The following MCPH1 variants were observed in gnomAD, a reference collection of about 807,000 sequenced individuals.
MCPH1 encodes microcephalin.
In MCPH1, 104 loss-of-function variants were observed where a neutral mutation model predicts 84.5. That is an observed-to-expected ratio of 1.23 (90% CI 1.05 to 1.45). The LOEUF is 1.45. Ranked by LOEUF, MCPH1 falls within the 40% of genes most tolerant of loss-of-function variation. MCPH1 has a pLI of 0.00. For synonymous variants in MCPH1, 514 were observed against 366.8 expected, an observed-to-expected ratio of 1.40 and a Z score of -4.58; for missense variants, 1,498 against 1,005.7, an observed-to-expected ratio of 1.49 and a Z score of -6.62.
chr8:6,595,554 G>T (rs1828855981), intron 12 of MCPH1, among the ~76,000 whole-genome samples: 1 of 152,256 alleles, frequency 6.6e-6, no homozygotes, highest in East Asian at 1.9e-4. Context: ...GAACTGGCAG[G>T]TGGGCTTCTG....
At chr8:6,497,767 T>C (rs1811419445) in intron 11 of MCPH1, among the ~76,000 whole-genome samples, 1 of 152,174 alleles carries the variant, frequency 6.6e-6, no homozygotes, top group African/African-American at 2.4e-5. Context: ...GAAGCTAAAG[T>C]GGCTTTAAAA....
At chr8:6,521,054 G>A in intron 12 of MCPH1, 1 of 667,850 alleles carries the variant, frequency 1.5e-6, no homozygotes, top group Non-Finnish European at 2.5e-6. Flanking sequence ...TTAATTGGTA[G>A]ATATTTCATA....
At chr8:6,635,704 C>G (rs1046937267) in intron 13 of MCPH1, among the ~76,000 whole-genome samples, 1 of 152,176 alleles carries the variant, frequency 6.6e-6, no homozygotes, top group Non-Finnish European at 1.5e-5. Context: ...GGTGCAGATA[C>G]CATTAAAAAG....
intron 12 of MCPH1, among the ~76,000 whole-genome samples, chr8:6,553,920 G>C (rs942783406): frequency 3.3e-5 from 5 of 152,060 alleles, no homozygotes; most frequent in Admixed American, 6.6e-5. Flanking sequence ...TAACTACCAA[G>C]ATATGGTTTG....
At position 6,420,544 on chromosome 8, in the gene MCPH1, T is replaced by C. The variant is rs140480769; in HGVS notation, c.233+5661T>C. Among the ~76,000 whole-genome samples, 82 of 152,216 alleles carry C rather than the reference T, an allele frequency of 5.4e-4. No homozygotes were observed. In the South Asian group the frequency reaches 0.015, roughly 27 times the overall value. On this transcript the variant is annotated intron_variant, in intron 3 of 13. Transcript: ENST00000344683. ...TTCTGCTTTTTTTTCGGGGAGGGAATGGGGTAAGACTCAGTATCAGCCAGC... is the reference window on the plus strand; with the variant it reads ...TTCTGCTTTTTTTTCGGGGAGGGAACGGGGTAAGACTCAGTATCAGCCAGC...
At chr8:6,488,247 A>G (rs1341833666) in intron 11 of MCPH1, among the ~76,000 whole-genome samples, 1 of 152,224 alleles carries the variant, frequency 6.6e-6, no homozygotes, top group Non-Finnish European at 1.5e-5. Context: ...CAAGACCCCA[A>G]GGTGCGCATT....
chr8:6,446,212 G>C (rs1258968255), intron 8 of MCPH1: 2 of 917,214 alleles, frequency 2.2e-6, no homozygotes, highest in African/African-American at 1.8e-5. Context: ...TTTATTAAAA[G>C]TCAAAACAAT....
chr8:6,446,896 C>T, intron 8 of MCPH1: 1 of 985,286 alleles, frequency 1.0e-6, no homozygotes, highest in Non-Finnish European at 1.2e-6. Context: ...CGTCGACAGC[C>T]TCCGGGGTTG....
At chr8:6,544,657 T>G (rs1822219457) in intron 12 of MCPH1, among the ~76,000 whole-genome samples, 2 of 152,160 alleles carry the variant, frequency 1.3e-5, no homozygotes, top group Non-Finnish European at 2.9e-5. Flanking sequence ...AGCACATATT[T>G]TATTTCTATA....
chr8:6,436,237 G>C (rs2129554605), intron 5 of MCPH1, 75 bp downstream of exon 5: 1 of 1,474,172 alleles, frequency 6.8e-7, no homozygotes, highest in South Asian at 1.2e-5. Context: ...ATGACTAGTG[G>C]GGTTCAGCAT....
chr8:6,636,315 G>A (rs533074110), intron 13 of MCPH1, among the ~76,000 whole-genome samples: 2,881 of 150,624 alleles, frequency 0.019, 48 homozygotes, highest in Non-Finnish European at 0.03. Context: ...ACTCCAGCCT[G>A]TGTGACAGAG....
At chr8:6,463,872 T>C (rs1806552430) in intron 9 of MCPH1, among the ~76,000 whole-genome samples, 4 of 152,256 alleles carry the variant, frequency 2.6e-5, no homozygotes, top group Admixed American at 2.6e-4. Flanking sequence ...CTTTGGCTGT[T>C]TTCCATTAGA....
chr8:6,621,197 T>G lies in MCPH1; in HGVS notation c.2215-257T>G, dbSNP rs1831375357. On this transcript the variant is annotated intron_variant, in intron 12 of 13. Transcript: ENST00000344683. ...TATTTTGTTTGAGGCTTTGGAATAATTCAAAGGCCTACACTTTTTTTTTTC... is the reference window on the plus strand; with the variant it reads ...TATTTTGTTTGAGGCTTTGGAATAAGTCAAAGGCCTACACTTTTTTTTTTC... 3.8e-5 allele frequency: 20 copies of G among 532,560 alleles called. 1 individual carries two copies. The highest frequency in any genetic ancestry group is 3.5e-4 in the South Asian group (17 of 48,110). The allele number at this position is 532,560 out of a possible 1,614,324, so 33.0% of individuals were successfully genotyped here.
chr8:6,466,494 C>T (rs58199046), intron 9 of MCPH1, among the ~76,000 whole-genome samples: 1 of 152,078 alleles, frequency 6.6e-6, no homozygotes, highest in African/African-American at 2.4e-5. Flanking sequence ...TTTTCGGTAG[C>T]AACGAGGTTT....
rs141371161 is a variant in MCPH1 at position 6,463,258 on chromosome 8, C to T, written c.1935+8006C>T. Among the ~76,000 whole-genome samples the T allele has an allele frequency of 5.8e-4, 88 of 152,248 alleles. 1 individual carries two copies. The highest frequency in any genetic ancestry group is 2.0e-3 in the African/African-American group (82 of 41,546). On this transcript the variant is annotated intron_variant, in intron 9 of 13. Coordinates refer to ENST00000344683, the MANE Select transcript of MCPH1 (RefSeq NM_024596.5). Reference sequence around the variant, plus strand: ...ACTGAGTTCTGCGGTCAGAAATGCCCGCTTGGGGGATCTGCTTCCTCAGTT... The same window carrying T: ...ACTGAGTTCTGCGGTCAGAAATGCCTGCTTGGGGGATCTGCTTCCTCAGTT...
intron 9 of MCPH1, among the ~76,000 whole-genome samples, chr8:6,460,750 C>T (rs187322016): frequency 6.6e-6 from 1 of 152,168 alleles, no homozygotes; most frequent in East Asian, 1.9e-4. Flanking sequence ...GGTTCTGTCT[C>T]TGTGAGGCTA....
At chr8:6,432,792 A>T (rs1802030494) in intron 4 of MCPH1, among the ~76,000 whole-genome samples, 1 of 152,270 alleles carries the variant, frequency 6.6e-6, no homozygotes, top group Admixed American at 6.5e-5. Context: ...GTCTTACCTG[A>T]TTATAGGTGA....
chr8:6,480,507 C>G (rs1404298055), intron 10 of MCPH1, among the ~76,000 whole-genome samples: 1 of 152,156 alleles, frequency 6.6e-6, no homozygotes, highest in African/African-American at 2.4e-5. Flanking sequence ...GTCTTCTCAG[C>G]CATTAAAATA....
chr8:6,519,180 C>T (rs1378651952), intron 12 of MCPH1, among the ~76,000 whole-genome samples: 1 of 152,292 alleles, frequency 6.6e-6, no homozygotes, highest in East Asian at 1.9e-4. Flanking sequence ...GAATCGCCTT[C>T]CCCAGCGGTT....
Sources: allele counts gnomAD v4.1 joint callset (sites outside exome capture counted in the v4.1 genomes callset), GRCh38; gene constraint gnomAD v4.1.1; transcripts MANE v1.5; gene names NCBI Gene and HGNC (gene_info 2026-07-23, HGNC 2026-07-21).